XRN2: variants seen among roughly 807,000 people sequenced by gnomAD.
The protein encoded by XRN2 is 5'-3' exoribonuclease 2.
A neutral mutation model predicts 138.5 loss-of-function variants in XRN2; 44 were observed. The ratio of observed to expected loss-of-function variants is 0.32; its 90% CI spans 0.25 to 0.41. XRN2 has a LOEUF of 0.41. Ranked by LOEUF, XRN2 falls within the 10% of genes least tolerant of loss-of-function variation. XRN2 has a pLI of 1.00. For synonymous variants in XRN2, 354 were observed against 369.4 expected, an observed-to-expected ratio of 0.96 and a Z score of 0.48; for missense variants, 937 against 1,169.3, an observed-to-expected ratio of 0.80 and a Z score of 2.90.
intron 17 of XRN2, among the ~76,000 whole-genome samples, chr20:21,347,500 A>G (rs2038450759): frequency 6.6e-6 from 1 of 152,236 alleles, no homozygotes. Context: ...TGCACTGAGT[A>G]TTGACCGTTA....
chr20:21,326,444 C>A, intron 2 of XRN2, 38 bp downstream of exon 2: 1 of 1,613,586 alleles, frequency 6.2e-7, no homozygotes, highest in Non-Finnish European at 8.5e-7. Flanking sequence ...TAGCAAATCA[C>A]AGAGGAAACA....
rs1268249229 is a variant in XRN2 at position 21,325,774 on chromosome 20, A to G, written c.76-505A>G. Reference sequence around the variant, plus strand: ...GGTAAGATTAAGGACGTACACTTTTATGTTTTAGAAAGAGAACTCTGACAA... The same window carrying G: ...GGTAAGATTAAGGACGTACACTTTTGTGTTTTAGAAAGAGAACTCTGACAA... On this transcript the variant is annotated intron_variant, in intron 1 of 29. Transcript: ENST00000377191. Among the ~76,000 whole-genome samples, 3 of 152,316 alleles carry G rather than the reference A, an allele frequency of 2.0e-5. No individual in the cohort carries two copies. In the East Asian group the frequency reaches 5.8e-4, roughly 29 times the overall value.
At position 21,320,687 on chromosome 20, in the gene XRN2, C is replaced by T. The variant is rs937212201; in HGVS notation, c.76-5592C>T. 4.6e-5 allele frequency among the ~76,000 whole-genome samples: 7 copies of T among 152,060 alleles called. No homozygotes were observed. In the South Asian group the frequency reaches 6.2e-4, roughly 14 times the overall value. ...TTGGCTCACTGTAACCTCCATCTCC[C>T]GGGTTCAAGCGATTCTCCTGCCTCA... On this transcript the variant is annotated intron_variant, in intron 1 of 29. Transcript: ENST00000377191.
rs565023220 is a variant in XRN2, at chr20:21,317,400, TTTAA to T, written c.76-8876_76-8873del. On this transcript the variant is annotated intron_variant, in intron 1 of 29. Coordinates refer to ENST00000377191, the MANE Select transcript of XRN2 (RefSeq NM_012255.5). ...CTTTGCAATCTGTTAATATGATGTGTTTAATTGATTGGTTTTTGGATGTTCAACT... is the reference window on the plus strand; with the variant it reads ...CTTTGCAATCTGTTAATATGATGTGTTTGATTGGTTTTTGGATGTTCAACT... Among the ~76,000 whole-genome samples the T allele has an allele frequency of 3.0e-3, 460 of 152,282 alleles. 2 individuals carry two copies. Among genetic ancestry groups the T allele is most frequent in the Non-Finnish European group, 4.5e-3 (308 of 68,030 alleles).
chr20:21,309,980 A>G (rs1023147245), intron 1 of XRN2, among the ~76,000 whole-genome samples: 8 of 151,910 alleles, frequency 5.3e-5, no homozygotes, highest in African/African-American at 1.9e-4. Context: ...TGTATTTGTT[A>G]TGCTTACTTT....
intron 29 of XRN2, among the ~76,000 whole-genome samples, chr20:21,389,004 C>G (rs1008648693): frequency 6.6e-6 from 1 of 152,206 alleles, no homozygotes; most frequent in Non-Finnish European, 1.5e-5. Context: ...GTTGTTTACA[C>G]AGAACACTTT....
chr20:21,380,957 G>A (rs1387345671), intron 27 of XRN2, among the ~76,000 whole-genome samples: 3 of 152,216 alleles, frequency 2.0e-5, no homozygotes. Flanking sequence ...GAATCATTGT[G>A]AGCAGCTAGA....
At position 21,387,515 on chromosome 20, in the gene XRN2, A is replaced by C. The variant is rs539891907; in HGVS notation, c.2787+509A>C. Among the ~76,000 whole-genome samples the C allele has an allele frequency of 3.0e-3, 454 of 152,278 alleles. 1 individual carries two copies. Among genetic ancestry groups the C allele is most frequent in the African/African-American group, 0.01 (424 of 41,552 alleles). ...AATCTTCCACATATTTTTCTTCTCAATGTAAGCAGCTGTATCACTGAATGA... is the reference window on the plus strand; with the variant it reads ...AATCTTCCACATATTTTTCTTCTCACTGTAAGCAGCTGTATCACTGAATGA... On this transcript the variant is annotated intron_variant, in intron 29 of 29. Transcript: ENST00000377191.
chr20:21,336,976 A>G (rs765272753), intron 13 of XRN2, among the ~76,000 whole-genome samples: 20 of 152,248 alleles, frequency 1.3e-4, no homozygotes, highest in Non-Finnish European at 2.8e-4. Flanking sequence ...GGATGTTCAC[A>G]GAACACAAAG....
intron 1 of XRN2, 91 bp downstream of exon 1, chr20:21,303,564 G>A: frequency 7.1e-7 from 1 of 1,414,870 alleles, no homozygotes; most frequent in Non-Finnish European, 9.2e-7. Flanking sequence ...TGCCCCCGGG[G>A]AGCCTTGCCG....
rs762606835 is a variant in XRN2 at position 21,387,022 on chromosome 20, A to C, written c.2787+16A>C. ...AGGGAGACAGGTAAATGGTTGTGGG[A>C]TGAAAAGTATACTGCTCACTTTATA... On this transcript the variant is annotated intron_variant, in intron 29 of 29. Coordinates refer to ENST00000377191, the MANE Select transcript of XRN2 (RefSeq NM_012255.5). 1.2e-6 allele frequency: 2 copies of C among 1,601,182 alleles called. No individual in the cohort carries two copies. The highest frequency in any genetic ancestry group is 1.7e-6 in the Non-Finnish European group (2 of 1,169,390).
chr20:21,306,276 A>G (rs1330903435), intron 1 of XRN2, among the ~76,000 whole-genome samples: 1 of 72,962 alleles, frequency 1.4e-5, no homozygotes, highest in African/African-American at 3.8e-5. Flanking sequence ...AGCTGGGACT[A>G]CAGGCGCGCC....
chr20:21,385,809 T>A (rs2038931387), intron 28 of XRN2, among the ~76,000 whole-genome samples: 1 of 152,148 alleles, frequency 6.6e-6, no homozygotes, highest in African/African-American at 2.4e-5. Context: ...GGAAGTGAAA[T>A]TCTTATGCTG....
intron 24 of XRN2, among the ~76,000 whole-genome samples, chr20:21,364,114 GT>G (rs1443001062): frequency 6.6e-6 from 1 of 152,074 alleles, no homozygotes; most frequent in Non-Finnish European, 1.5e-5. Context: ...TGTATTTTTA[GT>G]AGAGATGGGG....
chr20:21,345,813 T>G (rs1041095243), intron 16 of XRN2, among the ~76,000 whole-genome samples: 1 of 152,204 alleles, frequency 6.6e-6, no homozygotes, highest in Non-Finnish European at 1.5e-5. Context: ...TCTATATATA[T>G]CTCTATCTCC....
chr20:21,310,831 G>A lies in XRN2; in HGVS notation c.75+7358G>A, dbSNP rs183461796. On this transcript the variant is annotated intron_variant, in intron 1 of 29. Coordinates refer to ENST00000377191, the MANE Select transcript of XRN2 (RefSeq NM_012255.5). ...GCGATCTCGGCTCACTGCAAGCTCC[G>A]CCACCCGGTTTCATGCCATTCTCCT... Among the ~76,000 whole-genome samples, 44 of 151,812 alleles carry A rather than the reference G, an allele frequency of 2.9e-4. No individual in the cohort carries two copies. The East Asian group carries it at 8.5e-3, about 29-fold the overall frequency.
intron 20 of XRN2, among the ~76,000 whole-genome samples, chr20:21,352,161 C>T (rs942548833): frequency 1.3e-5 from 2 of 152,060 alleles, no homozygotes; most frequent in African/African-American, 2.4e-5. Context: ...AAATTTAGTA[C>T]TGTTGGGAAA....
intron 15 of XRN2, among the ~76,000 whole-genome samples, chr20:21,341,563 G>T (rs1043650388): frequency 6.6e-6 from 1 of 152,144 alleles, no homozygotes; most frequent in Non-Finnish European, 1.5e-5. Flanking sequence ...TATTGTAGTG[G>T]AAATAGACCA....
intron 26 of XRN2, among the ~76,000 whole-genome samples, 176 bp from the exon 27 acceptor site, chr20:21,368,287 C>T (rs2038724861): frequency 6.6e-6 from 1 of 152,286 alleles, no homozygotes; most frequent in East Asian, 1.9e-4. Flanking sequence ...TTTGCTATCA[C>T]TATTACCATT....
Sources: gnomAD v4.1 joint callset for allele counts (sites outside exome capture counted in the v4.1 genomes callset) on GRCh38, gnomAD v4.1.1 for gene constraint, MANE v1.5 for transcripts, NCBI Gene and HGNC (gene_info 2026-07-23, HGNC 2026-07-21) for gene names.